The following SH3TC2 variants were observed in gnomAD, a reference collection of about 807,000 sequenced individuals.
SH3TC2 encodes the protein SH3 domain and tetratricopeptide repeat-containing protein 2.
In SH3TC2, 87 loss-of-function variants were observed where a neutral mutation model predicts 124.5. That is an observed-to-expected ratio of 0.70 (90% CI 0.59 to 0.84). SH3TC2 has a LOEUF of 0.84. Ranked by LOEUF, SH3TC2 falls within the 40% of genes least tolerant of loss-of-function variation. SH3TC2 has a pLI of 0.00. For synonymous variants in SH3TC2, 634 were observed against 628.5 expected (o/e 1.01, Z -0.13); for missense variants, 1,536 against 1,566.4 (o/e 0.98, Z 0.33).
At chr5:149,024,705 G>C (rs1250967626) in intron 12 of SH3TC2, among the ~76,000 whole-genome samples, 1 of 152,166 alleles carries the variant, frequency 6.6e-6, no homozygotes, top group African/African-American at 2.4e-5. Context: ...CAGCTCTGTG[G>C]CTTCTGACTC....
chr5:149,047,718 G>A (rs192682571), intron 3 of SH3TC2, 144 bp downstream of exon 3: 16 of 1,095,496 alleles, frequency 1.5e-5, no homozygotes, highest in South Asian at 9.0e-5. Context: ...GAATGTGCAC[G>A]GAATCTTTCA....
At chr5:149,056,945 A>C (rs1045868191) in intron 1 of SH3TC2, among the ~76,000 whole-genome samples, 5 of 152,210 alleles carry the variant, frequency 3.3e-5, no homozygotes, top group African/African-American at 1.2e-4. Context: ...AAGAAAATAA[A>C]CCAAAAGGTC....
At position 149,027,698 on chromosome 5, in the gene SH3TC2, A is replaced by G. The variant is rs753382011; in HGVS notation, c.2034T>C (p.Phe678=). The part of the protein sequence containing the change: ...ASEAVASVLS[F]LYDKKYLPHL... Reference sequence around the variant, plus strand: ...GTGGAAGATATTTCTTGTCATACAGAAAACTCAAAACACTGGCCACAGCCT... The same window carrying G: ...GTGGAAGATATTTCTTGTCATACAGGAAACTCAAAACACTGGCCACAGCCT... Residue 678 remains phenylalanine, a synonymous_variant, in exon 11 of 17, where the codon TTT becomes TTC. Coordinates refer to ENST00000515425, the MANE Select transcript of SH3TC2 (RefSeq NM_024577.4). 12 of 1,614,006 alleles carry G rather than the reference A, an allele frequency of 7.4e-6. No individual in the cohort carries two copies. The Admixed American group carries it at 2.0e-4, about 27-fold the overall frequency.
Position 148,983,040 on chromosome 5 carries a change from A to G in SH3TC2, c.*21671T>C, listed in dbSNP as rs1381005617. Reference sequence around the variant, plus strand: ...CAAGGTGTTCCCTTTCCTGGGCCTCAGTGTCCCATCTATGGGATAAAGAGG... The same window carrying G: ...CAAGGTGTTCCCTTTCCTGGGCCTCGGTGTCCCATCTATGGGATAAAGAGG... On this transcript the variant is annotated 3_prime_UTR_variant, in exon 17 of 17. Transcript: ENST00000515425. Among the ~76,000 whole-genome samples, 1 of 152,182 alleles carries G rather than the reference A, an allele frequency of 6.6e-6. No homozygotes were observed. Among genetic ancestry groups the G allele is most frequent in the African/African-American group, 2.4e-5 (1 of 41,446 alleles).
At position 148,994,697 on chromosome 5, in the gene SH3TC2, A is replaced by AGGATGGATGGATGGATGGATGGAT. The variant is rs201323132; in HGVS notation, c.*9990_*10013dup. 1.0e-4 allele frequency among the ~76,000 whole-genome samples: 15 copies of AGGATGGATGGATGGATGGATGGAT among 144,838 alleles called. No homozygotes were observed. The highest frequency in any genetic ancestry group is 1.0e-3 in the East Asian group (5 of 4,948). The stretch of plus-strand genomic sequence containing the variant: ...TTGGATAAATGAATGGATGGATGGA[A>AGGATGGATGGATGGATGGATGGAT]GGATGGATGGATGGATGGATGGATG... On this transcript the variant is annotated 3_prime_UTR_variant, in exon 17 of 17. Coordinates refer to ENST00000515425, the MANE Select transcript of SH3TC2 (RefSeq NM_024577.4).
intron 2 of SH3TC2, among the ~76,000 whole-genome samples, chr5:149,048,905 G>A (rs1405294475): frequency 1.3e-5 from 2 of 152,206 alleles, no homozygotes; most frequent in Non-Finnish European, 2.9e-5. Context: ...TAGACAGTAA[G>A]TAGCAATCCT....
chr5:149,049,014 CCT>C (rs1561772231), intron 2 of SH3TC2, among the ~76,000 whole-genome samples: 1 of 152,212 alleles, frequency 6.6e-6, no homozygotes, highest in East Asian at 1.9e-4. Context: ...TCTGCAAATT[CCT>C]CAGCACATTA....
chr5:148,998,888 C>G lies in SH3TC2; in HGVS notation c.*5823G>C, dbSNP rs566597728. ...GGGGGTACATATCAGGAAATATATG[C>G]TGTCCCACCGAAGAGGGAAGACCGC... On this transcript the variant is annotated 3_prime_UTR_variant, in exon 17 of 17. Coordinates refer to ENST00000515425, the MANE Select transcript of SH3TC2 (RefSeq NM_024577.4). Among the ~76,000 whole-genome samples, 1 of 152,162 alleles carries G rather than the reference C, an allele frequency of 6.6e-6. No homozygotes were observed. The highest frequency in any genetic ancestry group is 6.5e-5 in the Admixed American group (1 of 15,276).
intron 1 of SH3TC2, chr5:149,057,626 T>C (rs1193376508): frequency 6.6e-6 from 1 of 152,110 alleles, no homozygotes; most frequent in Non-Finnish European, 1.5e-5. Flanking sequence ...TCTGTATCCT[T>C]CCGATTTTAG....
chr5:149,015,336 T>C lies in SH3TC2; in HGVS notation c.3054-2602A>G, dbSNP rs1039621705. The stretch of plus-strand genomic sequence containing the variant: ...TTCCTTGGTTCCTTCCTATCACCAC[T>C]CACCCCCATTACTTTACATCTGCCA... On this transcript the variant is annotated intron_variant, in intron 12 of 16. Transcript: ENST00000515425. Among the ~76,000 whole-genome samples the C allele has an allele frequency of 3.9e-5, 6 of 152,208 alleles. No individual in the cohort carries two copies. The East Asian group carries it at 1.2e-3, about 29-fold the overall frequency.
chr5:149,023,050 A>G (rs1360716028), intron 12 of SH3TC2, among the ~76,000 whole-genome samples: 5 of 152,242 alleles, frequency 3.3e-5, no homozygotes, highest in Admixed American at 3.3e-4. Flanking sequence ...TTAAACCTCA[A>G]TAAAACTGTT....
chr5:148,997,685 CAATAT>C lies in SH3TC2; in HGVS notation c.*7021_*7025del, dbSNP rs886060164. On this transcript the variant is annotated 3_prime_UTR_variant, in exon 17 of 17. Coordinates refer to ENST00000515425, the MANE Select transcript of SH3TC2 (RefSeq NM_024577.4). Reference sequence around the variant, plus strand: ...AGAGATGTGTCACCTGACAGAAACACAATATAATATAATGGTTTCATTTCCTAGCT... The same window carrying C: ...AGAGATGTGTCACCTGACAGAAACACAATATAATGGTTTCATTTCCTAGCT... Among the ~76,000 whole-genome samples the C allele has an allele frequency of 7.9e-5, 12 of 152,134 alleles. No homozygotes were observed. The highest frequency in any genetic ancestry group is 1.2e-4 in the African/African-American group (5 of 41,418).
rs757781673 is a variant in SH3TC2, at chr5:149,027,984, C to T, written c.1748G>A (p.Arg583Lys). ...CAGGGCGGAGCCTTTATGTCTCAGCCTCTGTTTCAGGTAGATGGCAGCCAA... is the reference window on the plus strand; with the variant it reads ...CAGGGCGGAGCCTTTATGTCTCAGCTTCTGTTTCAGGTAGATGGCAGCCAA... ...INLAAIYLKQ[R>K]LRHKGSALLE... Residue 583 changes from arginine to lysine, a missense_variant, in exon 11 of 17, where the codon AGG (arginine) becomes AAG (lysine). By Grantham distance (26) the Arg-to-Lys change is conservative. Coordinates refer to ENST00000515425, the MANE Select transcript of SH3TC2 (RefSeq NM_024577.4). The T allele has an allele frequency of 6.2e-6, 10 of 1,614,202 alleles. No homozygotes were observed. The South Asian group carries it at 1.1e-4, about 18-fold the overall frequency.
At chr5:149,018,797 T>A (rs1294105880) in intron 12 of SH3TC2, among the ~76,000 whole-genome samples, 1 of 152,218 alleles carries the variant, frequency 6.6e-6, no homozygotes, top group African/African-American at 2.4e-5. Flanking sequence ...TGGCTACTGC[T>A]ATTCCCTCCA....
At chr5:149,030,356 G>A (rs772107070) in intron 9 of SH3TC2, among the ~76,000 whole-genome samples, 9 of 152,218 alleles carry the variant, frequency 5.9e-5, no homozygotes, top group Non-Finnish European at 1.2e-4. Flanking sequence ...ACTGCACGCC[G>A]CAGAGCTGCA....
rs372760967 is a variant in SH3TC2 at position 148,987,988 on chromosome 5, G to A, written c.*16723C>T. On this transcript the variant is annotated 3_prime_UTR_variant, in exon 17 of 17. Coordinates refer to ENST00000515425, the MANE Select transcript of SH3TC2 (RefSeq NM_024577.4). ...CTCCAGATACCCACAAGGAAGTGCC[G>A]AGAATGCTGTTGCACCTCCTCTGGC... Among the ~76,000 whole-genome samples the A allele has an allele frequency of 6.6e-5, 10 of 152,116 alleles. No individual in the cohort carries two copies. The highest frequency in any genetic ancestry group is 4.1e-4 in the South Asian group (2 of 4,824).
At chr5:149,013,096 T>C (rs1212971085) in intron 12 of SH3TC2, among the ~76,000 whole-genome samples, 2 of 152,338 alleles carry the variant, frequency 1.3e-5, no homozygotes, top group Non-Finnish European at 1.5e-5. Flanking sequence ...TACTGATGCA[T>C]GGTCCATCAA....
Position 149,000,413 on chromosome 5 carries a change from G to A in SH3TC2, c.*4298C>T, listed in dbSNP as rs145849837. Among the ~76,000 whole-genome samples the A allele has an allele frequency of 3.0e-3, 453 of 152,294 alleles. 2 individuals carry two copies. Among genetic ancestry groups the A allele is most frequent in the African/African-American group, 0.01 (433 of 41,572 alleles). On this transcript the variant is annotated 3_prime_UTR_variant, in exon 17 of 17. Transcript: ENST00000515425. ...CAATGCCAGATAAGGCCTAGGCTGG[G>A]TGCTTGCAATGAGCAACAGGACCTA...
chr5:149,054,073 A>G (rs891900725), intron 1 of SH3TC2, among the ~76,000 whole-genome samples: 1 of 152,206 alleles, frequency 6.6e-6, no homozygotes, highest in African/African-American at 2.4e-5. Context: ...AAAAGAAAAG[A>G]TAAATGTTTG....
Sources: allele counts gnomAD v4.1 joint callset (sites outside exome capture counted in the v4.1 genomes callset), GRCh38; gene constraint gnomAD v4.1.1; transcripts MANE v1.5; gene names NCBI Gene and HGNC (gene_info 2026-07-23, HGNC 2026-07-21).